The following NUP85 variants were observed in gnomAD, a reference collection of about 807,000 sequenced individuals.
NUP85 encodes the protein nucleoporin 85.
In NUP85, 23 loss-of-function variants were observed where a neutral mutation model predicts 92.8. The observed-to-expected ratio is 0.25, with a 90% CI of 0.18 to 0.35. The LOEUF (loss-of-function observed/expected upper bound fraction) is 0.35, where lower values mean the gene tolerates loss of function less well. Among genes scored for constraint, NUP85 ranks in the 10% least tolerant of loss-of-function variants. NUP85 has a pLI of 1.00. For missense variants in NUP85, 759 were observed against 822.8 expected (o/e 0.92, Z 0.95); for synonymous variants, 314 against 306.9 (o/e 1.02, Z -0.24).
intron 11 of NUP85, among the ~76,000 whole-genome samples, chr17:75,229,386 TG>T (rs1413217918): frequency 6.6e-6 from 1 of 152,138 alleles, no homozygotes; most frequent in South Asian, 2.1e-4. Context: ...ACAGCTCATT[TG>T]GGGCTACAGT....
In NUP85 at chr17:75,209,729, A is replaced by C. The variant is rs571865289; in HGVS notation, c.128-94A>C. 3 of 1,026,406 alleles carry C rather than the reference A, an allele frequency of 2.9e-6. No individual in the cohort carries two copies. The African/African-American group carries it at 5.0e-5, about 17-fold the overall frequency. 63.6% of individuals were successfully genotyped at this position (1,026,406 alleles called of 1,614,324 possible). ...AGTGCTGGGATTATAGGCAAGAGCCACCATGCCCGGCCACAGAAAATTTTT... is the reference window on the plus strand; with the variant it reads ...AGTGCTGGGATTATAGGCAAGAGCCCCCATGCCCGGCCACAGAAAATTTTT... On this transcript the variant is annotated intron_variant, in intron 2 of 18. Transcript: ENST00000245544.
intron 3 of NUP85, among the ~76,000 whole-genome samples, chr17:75,211,264 A>C (rs2075251350): frequency 6.6e-6 from 1 of 151,812 alleles, no homozygotes; most frequent in African/African-American, 2.4e-5. Context: ...CAGCGTCCCA[A>C]AGTGCTGGGA....
At chr17:75,225,513 T>G in intron 9 of NUP85, 49 bp downstream of exon 9, 2 of 1,600,034 alleles carry the variant, frequency 1.2e-6, no homozygotes, top group Non-Finnish European at 1.7e-6. Context: ...CTATGGGGGC[T>G]GTGGCATCCA....
At chr17:75,222,495 ATTTTTTTTTT>A (rs578181379) in intron 7 of NUP85, among the ~76,000 whole-genome samples, 4 of 83,428 alleles carry the variant, frequency 4.8e-5, no homozygotes, top group Non-Finnish European at 2.2e-5. Context: ...TATATTTGTG[ATTTTTTTTTT>A]TTTTTTTTTT....
chr17:75,228,478 A>G, intron 11 of NUP85: 1 of 985,446 alleles, frequency 1.0e-6, no homozygotes, highest in South Asian at 4.7e-5. Context: ...AGCTTGTCCC[A>G]GGAATTGTGA....
At position 75,218,386 on chromosome 17, in the gene NUP85, T is replaced by C. The variant is rs954318326; in HGVS notation, c.597+80T>C. On this transcript the variant is annotated intron_variant, in intron 7 of 18. Transcript: ENST00000245544. ...GCCGGGTGGGTCTGAGGACACCCAC[T>C]GAGCCTCCAGCAGTAGGCTGGCTTT... The C allele has an allele frequency of 4.5e-6, 7 of 1,568,366 alleles. No individual in the cohort carries two copies. In the Admixed American group the frequency reaches 1.2e-4, roughly 26 times the overall value.
At chr17:75,213,025 A>T (rs756232384) in intron 4 of NUP85, 51 bp from the exon 5 acceptor site, 40 of 1,560,528 alleles carry the variant, frequency 2.6e-5, no homozygotes, top group Admixed American at 1.1e-4. Flanking sequence ...CAGCTATGAC[A>T]ATAAGCCTAA....
rs2075206660 is a variant in NUP85 at position 75,209,934 on chromosome 17, T to C, written c.239T>C (p.Leu80Pro). 6.3e-7 allele frequency: 1 copy of C among 1,584,714 alleles called. No individual in the cohort carries two copies. Among genetic ancestry groups the C allele is most frequent in the Non-Finnish European group, 8.5e-7 (1 of 1,172,724 alleles). The change falls in exon 3 of 19, where the codon CTG (leucine) becomes CCG (proline). Residue 80 changes from leucine to proline, a missense_variant. Coordinates refer to ENST00000245544, the MANE Select transcript of NUP85 (RefSeq NM_024844.5). ...KLFNESHGIFLGLQRIDEELT... is the reference protein window; with the variant it reads ...KLFNESHGIFPGLQRIDEELT... ...TTCAATGAATCCCATGGAATCTTTC[T>C]GGGCCTCCAGAGAATTGACGAAGAG...
At chr17:75,223,090 G>A (rs2075648066) in intron 7 of NUP85, among the ~76,000 whole-genome samples, 1 of 149,686 alleles carries the variant, frequency 6.7e-6, no homozygotes. Flanking sequence ...GTGTCTGAAT[G>A]AAGCTTATCT....
At chr17:75,232,532 AAG>A in intron 14 of NUP85, among the ~76,000 whole-genome samples, 1 of 152,194 alleles carries the variant, frequency 6.6e-6, no homozygotes, top group Middle Eastern at 3.2e-3. Context: ...GAGGTAATAG[AAG>A]AGCTGACACG....
chr17:75,233,246 C>T (rs1240147949), intron 16 of NUP85, 88 bp downstream of exon 16: 8 of 1,025,552 alleles, frequency 7.8e-6, no homozygotes, highest in Non-Finnish European at 1.1e-5. Context: ...TCTCCCAGCG[C>T]TTCCTTCATG....
At chr17:75,220,900 T>TA (rs1440404307) in intron 7 of NUP85, among the ~76,000 whole-genome samples, 1 of 143,384 alleles carries the variant, frequency 7.0e-6, no homozygotes, top group Non-Finnish European at 1.5e-5. Flanking sequence ...TTTTTTTTTT[T>TA]AGCTGGAGTC....
At chr17:75,208,471 C>T in intron 1 of NUP85, 56 bp from the exon 2 acceptor site, 1 of 753,830 alleles carries the variant, frequency 1.3e-6, no homozygotes, top group Non-Finnish European at 2.2e-6. Flanking sequence ...AAGAATGGAA[C>T]AACTTCAGTA....
chr17:75,216,120 A>G (rs2075424017), intron 6 of NUP85, among the ~76,000 whole-genome samples: 1 of 152,164 alleles, frequency 6.6e-6, no homozygotes, highest in Admixed American at 6.6e-5. Context: ...GGCCAAGCTT[A>G]AGAAAGTTTT....
intron 11 of NUP85, 21 bp downstream of exon 11, chr17:75,226,178 C>A (rs147215106): frequency 7.5e-6 from 12 of 1,592,672 alleles, no homozygotes; most frequent in African/African-American, 4.0e-5. Flanking sequence ...TCCCACCCCC[C>A]ACTGTAACCA....
At position 75,212,240 on chromosome 17, in the gene NUP85, TG is replaced by T. The variant is rs1568069584; in HGVS notation, c.361+179del. Among the ~76,000 whole-genome samples, 3 of 2,582 alleles carry T rather than the reference TG, an allele frequency of 1.2e-3. 1 individual carries two copies. Among genetic ancestry groups the T allele is most frequent in the African/African-American group, 6.0e-4 (1 of 1,666 alleles). 1.7% of individuals were successfully genotyped at this position (2,582 alleles called of 152,430 possible). ...GTAATCATTTAGAGGTTTTTTTTTT[TG>T]TTGTTGTTTTTTTTTTTTTTTTTTT... is the stretch of plus-strand genomic sequence containing the variant. On this transcript the variant is annotated intron_variant, in intron 4 of 18. Transcript: ENST00000245544.
Position 75,215,650 on chromosome 17 carries a change from T to C in NUP85, c.406-104T>C. 4.8e-6 allele frequency: 5 copies of C among 1,034,200 alleles called. No individual in the cohort carries two copies. In the Middle Eastern group the frequency reaches 1.0e-3, roughly 215 times the overall value. 64.1% of individuals were successfully genotyped at this position (1,034,200 alleles called of 1,614,324 possible). A position where few individuals can be genotyped will look rare whatever the true frequency, so the allele number is the denominator to read the frequency against. On this transcript the variant is annotated intron_variant, in intron 5 of 18. Transcript: ENST00000245544. Reference sequence around the variant, plus strand: ...AGTAGGATTGCAGTAACCTTTGGGTTAAGGAATGACTGTCATATGAGTCAA... The same window carrying C: ...AGTAGGATTGCAGTAACCTTTGGGTCAAGGAATGACTGTCATATGAGTCAA...
rs1320953513 is a variant in NUP85 at position 75,217,448 on chromosome 17, TG to T, written c.476-736del. On this transcript the variant is annotated intron_variant, in intron 6 of 18. Coordinates refer to ENST00000245544, the MANE Select transcript of NUP85 (RefSeq NM_024844.5). ...AACTCCTGGGCTCAAGCGATCTGCC[TG>T]CCTCAGCCTCCCAAAGTGCTGGGAT... 2.0e-5 allele frequency among the ~76,000 whole-genome samples: 3 copies of T among 152,078 alleles called. No homozygotes were observed. The East Asian group carries it at 5.8e-4, about 29-fold the overall frequency.
Position 75,234,691 on chromosome 17 carries a change from C to T in NUP85, c.1670C>T (p.Ala557Val). 6.2e-7 allele frequency: 1 copy of T among 1,614,180 alleles called. No individual in the cohort carries two copies. Among genetic ancestry groups the T allele is most frequent in the Non-Finnish European group, 8.5e-7 (1 of 1,180,008 alleles). Residue 557 changes from alanine to valine, a missense_variant, in exon 17 of 19, where the codon GCT (alanine) becomes GTT (valine). Ala to Val is a moderately conservative substitution (Grantham distance 64). Coordinates refer to ENST00000245544, the MANE Select transcript of NUP85 (RefSeq NM_024844.5). ...MYGEKRFADAASLLLSLMTSR... is the reference protein window; with the variant it reads ...MYGEKRFADAVSLLLSLMTSR... ...GGGGAGAAGCGTTTTGCCGACGCAG[C>T]TTCTCTCCTTCTGTCCTTGATGACG...
Sources: allele counts gnomAD v4.1 joint callset (sites outside exome capture counted in the v4.1 genomes callset), GRCh38; gene constraint gnomAD v4.1.1; transcripts MANE v1.5; gene names NCBI Gene and HGNC (gene_info 2026-07-23, HGNC 2026-07-21).